The following PRICKLE4 variants were observed in gnomAD, a reference collection of about 807,000 sequenced individuals.
The protein encoded by PRICKLE4 is prickle planar cell polarity protein 4.
In PRICKLE4, 40 loss-of-function variants were observed where a neutral mutation model predicts 43.5. The ratio of observed to expected loss-of-function variants is 0.92; its 90% CI spans 0.71 to 1.20. The LOEUF (loss-of-function observed/expected upper bound fraction) is 1.20, where lower values mean the gene tolerates loss of function less well. Ranked by LOEUF, PRICKLE4 falls within the 50% of genes most tolerant of loss-of-function variation. The probability of loss-of-function intolerance (pLI) is 0.00; values close to 1 mark genes in which losing one functional copy is unlikely to be tolerated. For missense variants in PRICKLE4, 527 were observed against 491.2 expected, an observed-to-expected ratio of 1.07 and a Z score of -0.69; for synonymous variants, 208 against 197.4, an observed-to-expected ratio of 1.05 and a Z score of -0.45.
rs1772682456 is a variant in PRICKLE4 at position 41,787,298 on chromosome 6, C to G, written c.*169C>G. 1 of 998,362 alleles carries G rather than the reference C, an allele frequency of 1.0e-6. No homozygotes were observed. The highest frequency in any genetic ancestry group is 1.4e-6 in the Non-Finnish European group (1 of 706,866). The allele number at this position is 998,362 out of a possible 1,614,324, so 61.8% of individuals were successfully genotyped here. On this transcript the variant is annotated 3_prime_UTR_variant, in exon 8 of 8. Coordinates refer to ENST00000458694, the MANE Select transcript of PRICKLE4 (RefSeq NM_013397.6). ...TGCGCCCCCTTCAGTACTGCGCGTT[C>G]TAAGACTTTTGGCGGAGACTTTCTT...
chr6:41,787,300 AAGACTTTTGGCGG>A lies in PRICKLE4; in HGVS notation c.*179_*191del. The A allele has an allele frequency of 3.0e-6, 3 of 989,718 alleles. No homozygotes were observed. In the Admixed American group the frequency reaches 9.1e-5, roughly 30 times the overall value. The allele number at this position is 989,718 out of a possible 1,614,324, so 61.3% of individuals were successfully genotyped here. A position where few individuals can be genotyped will look rare whatever the true frequency, so the allele number is the denominator to read the frequency against. On this transcript the variant is annotated 3_prime_UTR_variant, in exon 8 of 8. Coordinates refer to ENST00000458694, the MANE Select transcript of PRICKLE4 (RefSeq NM_013397.6). ...CGCCCCCTTCAGTACTGCGCGTTCT[AAGACTTTTGGCGG>A]AGACTTTCTTGGCAAAACCCATTCC...
At position 41,784,131 on chromosome 6, in the gene PRICKLE4, G is replaced by A. The variant is rs1772599562; in HGVS notation, c.133G>A (p.Gly45Ser). Residue 45 changes from glycine to serine, a missense_variant and splice_region_variant, in exon 4 of 8, where the codon GGT becomes AGT. Gly to Ser is a moderately conservative substitution (Grantham distance 56). Transcript: ENST00000458694. ...GEDPEDTHAQ[G>S]PAVLSLGSLC... The stretch of plus-strand genomic sequence containing the variant: ...CTCCCCTTCTTCCATGTCTCCTCAG[G>A]GTCCTGCAGTTCTGAGCTTGGGTTC... 6.2e-7 allele frequency: 1 copy of A among 1,610,786 alleles called. No individual in the cohort carries two copies. The highest frequency in any genetic ancestry group is 8.5e-7 in the Non-Finnish European group (1 of 1,178,032).
intron 1 of PRICKLE4, 146 bp from the exon 2 acceptor site, chr6:41,781,204 A>G (rs1419071327): frequency 1.3e-5 from 2 of 152,828 alleles, no homozygotes; most frequent in Admixed American, 6.5e-5. Context: ...GGAATTATGG[A>G]AGGAATCCAG....
chr6:41,786,214 G>T lies in PRICKLE4; in HGVS notation c.669G>T (p.Leu223=). 2 of 1,607,972 alleles carry T rather than the reference G, an allele frequency of 1.2e-6. No homozygotes were observed. Among genetic ancestry groups the T allele is most frequent in the Non-Finnish European group, 1.7e-6 (2 of 1,175,580 alleles). ...GTTGCCAGGACTGCGCCGGGCCTCT[G>T]GGCGGGGGACGTTATGCCCTGCCTG... ...HFCCQDCAGP[L]GGGRYALPGG... Residue 223 remains leucine (L), a synonymous_variant, in exon 7 of 8, where the codon CTG becomes CTT. Transcript: ENST00000458694.
intron 2 of PRICKLE4, 73 bp from the exon 3 acceptor site, chr6:41,783,387 CTA>C: frequency 7.3e-7 from 1 of 1,368,404 alleles, no homozygotes; most frequent in African/African-American, 1.5e-5. Context: ...GAAATAATAT[CTA>C]TAAAGCACTT....
rs1413309450 is a variant in PRICKLE4 at position 41,787,253 on chromosome 6, G to A, written c.*124G>A. 5 of 1,383,774 alleles carry A rather than the reference G, an allele frequency of 3.6e-6. No homozygotes were observed. Among genetic ancestry groups the A allele is most frequent in the Non-Finnish European group, 4.8e-6 (5 of 1,049,966 alleles). The allele number at this position is 1,383,774 out of a possible 1,614,324, so 85.7% of individuals were successfully genotyped here. On this transcript the variant is annotated 3_prime_UTR_variant, in exon 8 of 8. Transcript: ENST00000458694. ...GTCAGGCGCACGCCCGCAAGAGGCG[G>A]CGAGGTGACAAGTTTGGAGTGCGCC...
Position 41,785,448 on chromosome 6 carries a change from A to G in PRICKLE4, c.490A>G (p.Ile164Val). ...FACQACGQAL[I>V]NLIYFYHDGQ... ...CTGCCAGGCCTGTGGCCAGGCCCTG[A>G]TAAACCTCATCTACTTCTACCATGA... The change falls in exon 6 of 8, where the codon ATA becomes GTA. Residue 164 changes from isoleucine (I) to valine (V), a missense_variant. Physicochemically the swap from Ile to Val is conservative, Grantham distance 29. Transcript: ENST00000458694. 6.2e-7 allele frequency: 1 copy of G among 1,614,128 alleles called. No individual in the cohort carries two copies. Among genetic ancestry groups the G allele is most frequent in the Non-Finnish European group, 8.5e-7 (1 of 1,180,038 alleles).
At chr6:41,782,965 C>G (rs188933609) in intron 2 of PRICKLE4, among the ~76,000 whole-genome samples, 1 of 152,068 alleles carries the variant, frequency 6.6e-6, no homozygotes, top group African/African-American at 2.4e-5. Flanking sequence ...CTGAGAAGGG[C>G]TTCCTAGTAA....
At position 41,786,847 on chromosome 6, in the gene PRICKLE4, C is replaced by T. The variant is rs1377952320; in HGVS notation, c.873C>T (p.Ala291=). The T allele has an allele frequency of 3.7e-6, 6 of 1,601,486 alleles. No individual in the cohort carries two copies. The highest frequency in any genetic ancestry group is 5.1e-6 in the Non-Finnish European group (6 of 1,172,290). ...ATLSRTLLAA[A]GGSSLQTQRG... is the part of the protein sequence containing the mutation. ...TCTCCCGAACACTCCTCGCTGCTGC[C>T]GGCGGTTCCAGCCTGCAAACTCAGA... Residue 291 remains alanine (A), a synonymous_variant, in exon 8 of 8, where the codon GCC becomes GCT. Coordinates refer to ENST00000458694, the MANE Select transcript of PRICKLE4 (RefSeq NM_013397.6).
In PRICKLE4 at chr6:41,786,198, A is replaced by G; in HGVS notation, c.653A>G (p.Asp218Gly). The G allele has an allele frequency of 6.2e-7, 1 of 1,611,378 alleles. No homozygotes were observed. The highest frequency in any genetic ancestry group is 8.5e-7 in the Non-Finnish European group (1 of 1,178,190). ...RWHENHFCCQ[D>G]CAGPLGGGRY... ...CATGAGAACCACTTCTGTTGCCAGGACTGCGCCGGGCCTCTGGGCGGGGGA... is the reference window on the plus strand; with the variant it reads ...CATGAGAACCACTTCTGTTGCCAGGGCTGCGCCGGGCCTCTGGGCGGGGGA... The change falls in exon 7 of 8, where the codon GAC becomes GGC. Residue 218 changes from aspartate to glycine, a missense_variant. By Grantham distance (94) the Asp-to-Gly change is moderately conservative. Transcript: ENST00000458694.
Position 41,787,286 on chromosome 6 carries a change from G to A in PRICKLE4, c.*157G>A, listed in dbSNP as rs867883264. Reference sequence around the variant, plus strand: ...ACAAGTTTGGAGTGCGCCCCCTTCAGTACTGCGCGTTCTAAGACTTTTGGC... The same window carrying A: ...ACAAGTTTGGAGTGCGCCCCCTTCAATACTGCGCGTTCTAAGACTTTTGGC... On this transcript the variant is annotated 3_prime_UTR_variant, in exon 8 of 8. Transcript: ENST00000458694. 13 of 1,060,330 alleles carry A rather than the reference G, an allele frequency of 1.2e-5. No homozygotes were observed. The highest frequency in any genetic ancestry group is 3.1e-4 in the Middle Eastern group (1 of 3,184). 65.7% of individuals were successfully genotyped at this position (1,060,330 alleles called of 1,614,324 possible). A position where few individuals can be genotyped will look rare whatever the true frequency, so the allele number is the denominator to read the frequency against.
chr6:41,786,308 G>A lies in PRICKLE4; in HGVS notation c.763G>A (p.Ala255Thr). The A allele has an allele frequency of 6.4e-7, 1 of 1,571,422 alleles. No individual in the cohort carries two copies. The highest frequency in any genetic ancestry group is 8.7e-7 in the Non-Finnish European group (1 of 1,155,252). The change falls in exon 7 of 8, where the codon GCA (alanine) becomes ACA (threonine). Residue 255 changes from alanine to threonine, a missense_variant. Physicochemically the swap from Ala to Thr is moderately conservative, Grantham distance 58. Transcript: ENST00000458694. ...YSDAGSSWAG[A>T]LEGQAFLGET... ...GGATGCAGGCTCGAGCTGGGCCGGG[G>A]CACTGGAAGGGCAGGCATTCCTTGG...
intron 2 of PRICKLE4, among the ~76,000 whole-genome samples, chr6:41,782,590 C>T (rs1772571901): frequency 6.6e-6 from 1 of 151,582 alleles, no homozygotes; most frequent in South Asian, 2.1e-4. Flanking sequence ...AGGAGGTTTA[C>T]ACCGTGTTAG....
intron 3 of PRICKLE4, 83 bp from the exon 4 acceptor site, chr6:41,784,048 G>T (rs1772597673): frequency 2.0e-6 from 2 of 1,004,600 alleles, no homozygotes; most frequent in Non-Finnish European, 3.0e-6. Context: ...GATTGGAGAA[G>T]AGGTGGCAAT....
chr6:41,786,954 G>T lies in PRICKLE4; in HGVS notation c.980G>T (p.Arg327Leu). ...GCACCCAAAGGGCAGGAGCAATGCCGCCTGGAGACTATTCGTGATCCCAAG... is the reference window on the plus strand; with the variant it reads ...GCACCCAAAGGGCAGGAGCAATGCCTCCTGGAGACTATTCGTGATCCCAAG... Reference protein sequence around the residue: ...AEAPKGQEQCRLETIRDPKDT... With the variant: ...AEAPKGQEQCLLETIRDPKDT... Residue 327 changes from arginine (R) to leucine (L), a missense_variant, in exon 8 of 8, where the codon CGC becomes CTC. Coordinates refer to ENST00000458694, the MANE Select transcript of PRICKLE4 (RefSeq NM_013397.6). The T allele has an allele frequency of 6.2e-7, 1 of 1,614,102 alleles. No individual in the cohort carries two copies. Among genetic ancestry groups the T allele is most frequent in the South Asian group, 1.1e-5 (1 of 91,088 alleles).
Position 41,786,654 on chromosome 6 carries a change from G to A in PRICKLE4, c.788-108G>A, listed in dbSNP as rs777161472. The stretch of plus-strand genomic sequence containing the variant: ...TCTCGGCGGCGGCGGCGGCGCGCAC[G>A]GCCCAGGGGCTGGGCGGGGCGGGAG... On this transcript the variant is annotated intron_variant, in intron 7 of 7. Transcript: ENST00000458694. 11 of 1,509,660 alleles carry A rather than the reference G, an allele frequency of 7.3e-6. No individual in the cohort carries two copies. The East Asian group carries it at 7.6e-5, about 10-fold the overall frequency. The allele number at this position is 1,509,660 out of a possible 1,614,324, so 93.5% of individuals were successfully genotyped here.
intron 2 of PRICKLE4, among the ~76,000 whole-genome samples, chr6:41,782,171 G>A (rs1020360326): frequency 1.3e-5 from 2 of 150,146 alleles, no homozygotes; most frequent in African/African-American, 4.9e-5. Flanking sequence ...AGGTAGGTTG[G>A]AGCGATTCTC....
Position 41,787,256 on chromosome 6 carries a change from A to T in PRICKLE4, c.*127A>T, listed in dbSNP as rs544970992. On this transcript the variant is annotated 3_prime_UTR_variant, in exon 8 of 8. Coordinates refer to ENST00000458694, the MANE Select transcript of PRICKLE4 (RefSeq NM_013397.6). ...AGGCGCACGCCCGCAAGAGGCGGCGAGGTGACAAGTTTGGAGTGCGCCCCC... is the reference window on the plus strand; with the variant it reads ...AGGCGCACGCCCGCAAGAGGCGGCGTGGTGACAAGTTTGGAGTGCGCCCCC... 2.9e-6 allele frequency: 4 copies of T among 1,377,566 alleles called. No homozygotes were observed. The East Asian group carries it at 7.5e-5, about 26-fold the overall frequency. 85.3% of individuals were successfully genotyped at this position (1,377,566 alleles called of 1,614,324 possible).
At chr6:41,786,440 G>A (rs1318110972) in intron 7 of PRICKLE4, 108 bp downstream of exon 7, 2 of 1,299,116 alleles carry the variant, frequency 1.5e-6, no homozygotes, top group Non-Finnish European at 2.1e-6. Context: ...GTCCCTCCAG[G>A]AGCGCCCCCA....
Sources: allele counts gnomAD v4.1 joint callset (sites outside exome capture counted in the v4.1 genomes callset), GRCh38; gene constraint gnomAD v4.1.1; transcripts MANE v1.5; gene names NCBI Gene and HGNC (gene_info 2026-07-23, HGNC 2026-07-21).